The following FRYL variants were observed in gnomAD, a reference collection of about 807,000 sequenced individuals.
FRYL encodes protein furry homolog-like.
A neutral mutation model predicts 351.2 loss-of-function variants in FRYL; 150 were observed. The ratio of observed to expected loss-of-function variants is 0.43; its 90% CI spans 0.37 to 0.49. FRYL has a LOEUF of 0.49. Among genes scored for constraint, FRYL ranks in the 20% least tolerant of loss-of-function variants. The pLI, the probability that FRYL is intolerant of heterozygous loss-of-function variation, is 0.00. For missense variants in FRYL, 3,036 were observed against 3,619.3 expected (o/e 0.84, Z 4.13); for synonymous variants, 1,153 against 1,257.1 (o/e 0.92, Z 1.75).
chr4:48,546,060 G>A lies in FRYL; in HGVS notation c.5279+7C>T. On this transcript the variant is annotated splice_region_variant and intron_variant, in intron 42 of 63. Transcript: ENST00000358350. ...ACTGCTGGGATGATAAGAGCTGCCA[G>A]TGTTACCTTGAGGTAATGAATTCCA... The A allele has an allele frequency of 1.9e-6, 3 of 1,610,138 alleles. No homozygotes were observed. The highest frequency in any genetic ancestry group is 1.7e-4 in the Middle Eastern group (1 of 6,054).
intron 2 of FRYL, among the ~76,000 whole-genome samples, chr4:48,694,207 G>C (rs1013972447): frequency 7.9e-5 from 12 of 152,042 alleles, no homozygotes; most frequent in African/African-American, 2.9e-4. Flanking sequence ...GTGGGGGGTG[G>C]GAGGTGGAGG....
At position 48,589,823 on chromosome 4, in the gene FRYL, T is replaced by A. The variant is rs1321030718; in HGVS notation, c.1562A>T (p.His521Leu). ...VRKALDSILRHLDKEVGRPMC... is the reference protein window; with the variant it reads ...VRKALDSILRLLDKEVGRPMC... The stretch of plus-strand genomic sequence containing the variant: ...TGGTCTCCCAACTTCTTTGTCCAAA[T>A]GTCTGAGGATGCTATCTAATGCTTT... Residue 521 changes from histidine to leucine, a missense_variant, in exon 18 of 64, where the codon CAT becomes CTT. His to Leu is a moderately conservative substitution (Grantham distance 99). This residue lies in a region of FRYL where 78 missense variants were observed against 106.6 expected (regional missense o/e 0.73). Coordinates refer to ENST00000358350, the MANE Select transcript of FRYL (RefSeq NM_015030.2). The A allele has an allele frequency of 1.9e-6, 3 of 1,613,644 alleles. No homozygotes were observed. Among genetic ancestry groups the A allele is most frequent in the Non-Finnish European group, 1.7e-6 (2 of 1,179,708 alleles).
intron 33 of FRYL, among the ~76,000 whole-genome samples, chr4:48,559,705 G>GGA (rs1161682897): frequency 3.7e-5 from 5 of 136,480 alleles, no homozygotes; most frequent in Non-Finnish European, 6.4e-5. Flanking sequence ...TGGGGGAGAG[G>GGA]GAGAGAGAGA....
intron 2 of FRYL, among the ~76,000 whole-genome samples, chr4:48,698,652 C>T (rs1308054398): frequency 2.0e-5 from 3 of 152,216 alleles, no homozygotes; most frequent in Non-Finnish European, 2.9e-5. Context: ...TAACACATTT[C>T]CAAGTTAGTA....
In FRYL at chr4:48,632,102, A is replaced by ATATATATATATATG. The variant is rs1553957600; in HGVS notation, c.120+2188_120+2189insCATATATATATATA. Among the ~76,000 whole-genome samples the ATATATATATATATG allele has an allele frequency of 3.2e-3, 116 of 36,692 alleles. 2 individuals carry two copies. Among genetic ancestry groups the ATATATATATATATG allele is most frequent in the Non-Finnish European group, 6.0e-3 (97 of 16,124 alleles). The allele number at this position is 36,692 out of a possible 152,430, so 24.1% of individuals were successfully genotyped here. The stretch of plus-strand genomic sequence containing the variant: ...AAAAAAAAAAAAAAAATATATATAT[A>ATATATATATATATG]TATATATATATATATATATATATAT... On this transcript the variant is annotated intron_variant, in intron 4 of 63. Coordinates refer to ENST00000358350, the MANE Select transcript of FRYL (RefSeq NM_015030.2).
In FRYL at chr4:48,567,545, TA is replaced by T. The variant is rs1447957421; in HGVS notation, c.2997-126del. 8.2e-6 allele frequency: 5 copies of T among 610,322 alleles called. No homozygotes were observed. The highest frequency in any genetic ancestry group is 1.3e-5 in the Non-Finnish European group (5 of 375,388). The allele number at this position is 610,322 out of a possible 1,614,324, so 37.8% of individuals were successfully genotyped here. ...TGCATGCTCATGGCAGCACGCAACT[TA>T]ATATATGAAAATTAAATGAATATGA... On this transcript the variant is annotated intron_variant, in intron 27 of 63. Coordinates refer to ENST00000358350, the MANE Select transcript of FRYL (RefSeq NM_015030.2). The surrounding 1 kb of genome is among the most constrained non-coding windows in gnomAD (Gnocchi z 4.2).
At chr4:48,769,027 C>T (rs994881266) in intron 1 of FRYL, among the ~76,000 whole-genome samples, 6 of 151,994 alleles carry the variant, frequency 3.9e-5, no homozygotes. Context: ...GTCTCAGCTA[C>T]TCTGGAGGCT....
At chr4:48,682,463 C>G (rs934540464) in intron 3 of FRYL, among the ~76,000 whole-genome samples, 5 of 152,140 alleles carry the variant, frequency 3.3e-5, no homozygotes, top group African/African-American at 1.2e-4. Flanking sequence ...AAGAAACTAT[C>G]ATCAGAGTGA....
intron 1 of FRYL, among the ~76,000 whole-genome samples, chr4:48,743,137 G>A (rs1422000833): frequency 6.6e-6 from 1 of 151,774 alleles, no homozygotes; most frequent in African/African-American, 2.4e-5. Flanking sequence ...ATGTTTAAAG[G>A]TAGAAAAGTA....
intron 3 of FRYL, among the ~76,000 whole-genome samples, chr4:48,663,471 G>C (rs1349165215): frequency 1.3e-5 from 2 of 151,760 alleles, no homozygotes; most frequent in Non-Finnish European, 2.9e-5. Flanking sequence ...GGACAAAAAG[G>C]AAACAAACAG....
At chr4:48,608,477 C>T (rs1198560609) in intron 9 of FRYL, among the ~76,000 whole-genome samples, 1 of 152,074 alleles carries the variant, frequency 6.6e-6, no homozygotes, top group Admixed American at 6.6e-5. Flanking sequence ...AGTGATGGTT[C>T]AGTGCAACTC....
intron 37 of FRYL, 28 bp downstream of exon 37, chr4:48,551,466 G>A (rs1415895182): frequency 7.7e-7 from 1 of 1,294,316 alleles, no homozygotes; most frequent in East Asian, 2.4e-5. Flanking sequence ...CAAACTGAAA[G>A]GCTAATACAG....
intron 13 of FRYL, among the ~76,000 whole-genome samples, chr4:48,599,558 T>C (rs185924489): frequency 4.1e-3 from 623 of 152,318 alleles, no homozygotes; most frequent in Non-Finnish European, 5.6e-3. Flanking sequence ...CCTCAAATTA[T>C]TGCTAACATG....
At chr4:48,601,511 G>A (rs1394063768) in intron 13 of FRYL, among the ~76,000 whole-genome samples, 1 of 152,154 alleles carries the variant, frequency 6.6e-6, no homozygotes, top group Non-Finnish European at 1.5e-5. Flanking sequence ...TTAATGACAA[G>A]TACCCTTTCA....
In FRYL at chr4:48,499,467, T is replaced by C. The variant is rs1432167974; in HGVS notation, c.8997A>G (p.Leu2999=). ...SLRMVQSYQL[L]AQAKPMGNMV... Reference sequence around the variant, plus strand: ...TATTTCCCATTGGTTTGGCCTGTGCTAGAAGTTGGTATGATTGCACCATGC... The same window carrying C: ...TATTTCCCATTGGTTTGGCCTGTGCCAGAAGTTGGTATGATTGCACCATGC... The change falls in exon 64 of 64, where the codon CTA becomes CTG. Residue 2999 remains leucine, a synonymous_variant. Transcript: ENST00000358350. The C allele has an allele frequency of 6.2e-7, 1 of 1,613,888 alleles. No individual in the cohort carries two copies. Among genetic ancestry groups the C allele is most frequent in the Non-Finnish European group, 8.5e-7 (1 of 1,179,844 alleles).
chr4:48,708,628 A>AT (rs1479990811), intron 2 of FRYL, among the ~76,000 whole-genome samples: 1 of 152,162 alleles, frequency 6.6e-6, no homozygotes, highest in Admixed American at 6.5e-5. Context: ...TAAACAATCC[A>AT]TTCACCCTGG....
chr4:48,527,943 C>T, intron 52 of FRYL, 28 bp downstream of exon 52: 1 of 1,503,300 alleles, frequency 6.7e-7, no homozygotes, highest in East Asian at 2.3e-5. Context: ...TCTTTAAGAC[C>T]TTGACACAGG....
At chr4:48,513,725 A>G (rs1722962291) in intron 56 of FRYL, among the ~76,000 whole-genome samples, 2 of 152,242 alleles carry the variant, frequency 1.3e-5, no homozygotes, top group Non-Finnish European at 2.9e-5. Flanking sequence ...TCTGAAGTGA[A>G]AACAAATGAG....
chr4:48,700,356 C>T (rs1766599352), intron 2 of FRYL, among the ~76,000 whole-genome samples: 1 of 152,150 alleles, frequency 6.6e-6, no homozygotes, highest in African/African-American at 2.4e-5. Context: ...CCCACCTCAT[C>T]AGGTTTTTTT....
Sources: allele counts gnomAD v4.1 joint callset (sites outside exome capture counted in the v4.1 genomes callset), GRCh38; gene constraint gnomAD v4.1.1; regional missense constraint gnomAD v4.1.1; non-coding constraint Gnocchi (gnomAD v3.1); transcripts MANE v1.5; gene names NCBI Gene and HGNC (gene_info 2026-07-23, HGNC 2026-07-21).